CLVS1: variants seen among roughly 807,000 people sequenced by gnomAD.
The protein encoded by CLVS1 is clavesin-1.
A neutral mutation model predicts 33.1 loss-of-function variants in CLVS1; 10 were observed. That is an observed-to-expected ratio of 0.30 (90% CI 0.19 to 0.51). The LOEUF (loss-of-function observed/expected upper bound fraction) is 0.51, where lower values mean the gene tolerates loss of function less well. CLVS1 is among the 20% of genes least tolerant of loss of function. The probability of loss-of-function intolerance (pLI) is 0.97; values close to 1 mark genes in which losing one functional copy is unlikely to be tolerated. For missense variants in CLVS1, 343 were observed against 433.4 expected (o/e 0.79, Z 1.85); for synonymous variants, 163 against 166.1 (o/e 0.98, Z 0.14).
intron 2 of CLVS1, among the ~76,000 whole-genome samples, chr8:61,226,167 A>G (rs543996756): frequency 6.6e-6 from 1 of 152,344 alleles, no homozygotes; most frequent in South Asian, 2.1e-4. Context: ...CAGTATTAGA[A>G]GTGTTGCAAA....
At chr8:61,232,041 T>TTTTTTTTTTTTGTTTTG (rs1554548394) in intron 2 of CLVS1, among the ~76,000 whole-genome samples, 12 of 116,002 alleles carry the variant, frequency 1.0e-4, no homozygotes, top group African/African-American at 5.7e-4. Flanking sequence ...TTTTTTTTTT[T>TTTTTTTTTTTTGTTTTG]TTTTTTTTTG....
intron 2 of CLVS1, among the ~76,000 whole-genome samples, chr8:61,271,417 G>A (rs1049634563): frequency 6.7e-6 from 1 of 149,214 alleles, no homozygotes; most frequent in Admixed American, 6.7e-5. Flanking sequence ...TATTTGCTGA[G>A]GAGAGCTTTA....
chr8:61,215,293 A>G (rs1585695204), intron 2 of CLVS1, among the ~76,000 whole-genome samples: 1 of 152,324 alleles, frequency 6.6e-6, no homozygotes, highest in South Asian at 2.1e-4. Flanking sequence ...ATATAAAAGT[A>G]TAATTATACT....
chr8:61,308,738 T>C (rs1174127875), intron 2 of CLVS1, among the ~76,000 whole-genome samples: 1 of 152,126 alleles, frequency 6.6e-6, no homozygotes, highest in Admixed American at 6.6e-5. Context: ...TGTTAGGTGC[T>C]TTTGTGCCAA....
At chr8:61,248,280 G>C (rs1034202203) in intron 2 of CLVS1, among the ~76,000 whole-genome samples, 1 of 151,790 alleles carries the variant, frequency 6.6e-6, no homozygotes, top group East Asian at 1.9e-4. Flanking sequence ...TTTCTTTTTT[G>C]GTTCCATATA....
intron 2 of CLVS1, among the ~76,000 whole-genome samples, chr8:61,176,263 C>G (rs1389488806): frequency 6.6e-6 from 1 of 152,044 alleles, no homozygotes; most frequent in Non-Finnish European, 1.5e-5. Context: ...CTATGTGAAC[C>G]CACCTGGGAG....
intron 2 of CLVS1, among the ~76,000 whole-genome samples, chr8:61,164,493 C>T (rs1248828806): frequency 6.6e-6 from 1 of 152,222 alleles, no homozygotes; most frequent in Non-Finnish European, 1.5e-5. Flanking sequence ...CTTGCCCCAA[C>T]ATCTGTCTGA....
chr8:61,481,666 G>C (rs2129608218), intron 5 of CLVS1, among the ~76,000 whole-genome samples: 1 of 152,286 alleles, frequency 6.6e-6, no homozygotes, highest in East Asian at 1.9e-4. Flanking sequence ...GTCTGTCATT[G>C]CTGAGGCTTG....
chr8:61,148,653 G>T (rs775649404), intron 2 of CLVS1, among the ~76,000 whole-genome samples: 1 of 152,198 alleles, frequency 6.6e-6, no homozygotes, highest in Non-Finnish European at 1.5e-5. Flanking sequence ...TACCAGTGTG[G>T]TGTCCAGAGC....
intron 2 of CLVS1, among the ~76,000 whole-genome samples, chr8:61,320,829 A>C (rs2129596244): frequency 6.6e-6 from 1 of 152,228 alleles, no homozygotes; most frequent in East Asian, 1.9e-4. Context: ...GAACTTTTGA[A>C]TTTGGGGGTT....
chr8:61,162,388 C>G (rs1806770835), intron 2 of CLVS1, among the ~76,000 whole-genome samples: 2 of 152,172 alleles, frequency 1.3e-5, no homozygotes, highest in African/African-American at 4.8e-5. Flanking sequence ...ATTGTCTTGG[C>G]CTCATAGATT....
intron 2 of CLVS1, among the ~76,000 whole-genome samples, chr8:61,318,345 A>T (rs1299813464): frequency 6.6e-6 from 1 of 152,066 alleles, no homozygotes; most frequent in African/African-American, 2.4e-5. Context: ...CACTCATTTT[A>T]TGTATTCTTT....
At chr8:61,246,684 A>G (rs1808817797) in intron 2 of CLVS1, among the ~76,000 whole-genome samples, 1 of 152,130 alleles carries the variant, frequency 6.6e-6, no homozygotes, top group African/African-American at 2.4e-5. Context: ...AAAATTCTTA[A>G]TAAAAATAAT....
In CLVS1 at chr8:61,116,671, A is replaced by T. The variant is rs1805730320; in HGVS notation, c.-242-15099A>T. Among the ~76,000 whole-genome samples the T allele has an allele frequency of 2.7e-5, 4 of 150,492 alleles. No homozygotes were observed. In the South Asian group the frequency reaches 6.5e-4, roughly 24 times the overall value. ...GTTTTTCTCAGGTTTGTCAAAGATC[A>T]GATAGTTGTAGATATGCGGCGTTAT... On this transcript the variant is annotated intron_variant, in intron 1 of 2. Transcript: ENST00000522621.
chr8:61,432,018 G>C (rs1347331368), intron 3 of CLVS1, among the ~76,000 whole-genome samples: 1 of 152,134 alleles, frequency 6.6e-6, no homozygotes, highest in Non-Finnish European at 1.5e-5. Flanking sequence ...GGTTTCCTCT[G>C]TGCTTCCAGC....
intron 3 of CLVS1, among the ~76,000 whole-genome samples, chr8:61,396,241 T>G (rs1425042795): frequency 6.6e-6 from 1 of 152,216 alleles, no homozygotes; most frequent in Non-Finnish European, 1.5e-5. Context: ...TTCACAAGTT[T>G]TCATATTCCT....
chr8:61,080,587 T>TAA (rs901304512), intron 1 of CLVS1, among the ~76,000 whole-genome samples: 1 of 152,232 alleles, frequency 6.6e-6, no homozygotes, highest in Non-Finnish European at 1.5e-5. Context: ...ATGAATGGGC[T>TAA]AAAACCCACG....
chr8:61,047,131 C>G, the CLVS1 span, among the ~76,000 whole-genome samples: 1 of 152,100 alleles, frequency 6.6e-6, no homozygotes, highest in Non-Finnish European at 1.5e-5. Flanking sequence ...ACAACCCCAT[C>G]GAAAAGTGGG....
At chr8:61,203,054 C>G (rs1427317824) in intron 2 of CLVS1, 1 of 1,303,922 alleles carries the variant, frequency 7.7e-7, no homozygotes, top group African/African-American at 1.5e-5. Flanking sequence ...TCCTAAAACA[C>G]CAAAAGGACC....
Sources: allele counts gnomAD v4.1 joint callset (sites outside exome capture counted in the v4.1 genomes callset), GRCh38; gene constraint gnomAD v4.1.1; transcripts MANE v1.5; gene names NCBI Gene and HGNC (gene_info 2026-07-23, HGNC 2026-07-21).